Variants in ZNF385C observed in about 807,000 individuals in gnomAD.
ZNF385C encodes the protein zinc finger protein 385C.
Under a neutral mutation model 35.4 loss-of-function variants are expected in ZNF385C, and 28 were observed. The observed-to-expected ratio is 0.79, with a 90% confidence interval of 0.59 to 1.08. The LOEUF is 1.08. ZNF385C is among the 50% of genes least tolerant of loss of function. The pLI is 0.00. For synonymous variants in ZNF385C, 248 were observed against 248.2 expected (o/e 1.00, Z 0.01); for missense variants, 605 against 595.6 (o/e 1.02, Z -0.16).
chr17:42,028,871 C>T lies in ZNF385C; in HGVS notation c.879G>A (p.Gly293=). The change falls in exon 6 of 9, where the codon GGG becomes GGA. Residue 293 remains glycine (G), a synonymous_variant. Coordinates refer to ENST00000692273, the MANE Select transcript of ZNF385C (RefSeq NM_001392013.1). ...AAAAVGSSMS[G]EGRSEKGHLY... The stretch of plus-strand genomic sequence containing the variant: ...GGTGCCCCTTCTCACTCCTGCCTTC[C>T]CCACTCATGCTGCTTCCCACGGCAG... The T allele has an allele frequency of 6.4e-7, 1 of 1,550,632 alleles. No individual in the cohort carries two copies. Among genetic ancestry groups the T allele is most frequent in the Non-Finnish European group, 8.7e-7 (1 of 1,146,998 alleles).
At chr17:42,062,664 C>G in intron 2 of ZNF385C, 143 bp downstream of exon 2, 1 of 405,986 alleles carries the variant, frequency 2.5e-6, no homozygotes, top group Non-Finnish European at 4.3e-6. Context: ...GGGGAGGCTT[C>G]AGACCCTAAG....
intron 2 of ZNF385C, among the ~76,000 whole-genome samples, chr17:42,051,347 C>G (rs1250007234): frequency 6.6e-6 from 1 of 152,044 alleles, no homozygotes; most frequent in African/African-American, 2.4e-5. Flanking sequence ...CTCTGATACA[C>G]AGCCGACCCT....
chr17:42,040,750 C>A, intron 2 of ZNF385C: 1 of 1,232,370 alleles, frequency 8.1e-7, no homozygotes, highest in Non-Finnish European at 1.0e-6. Context: ...CAAGTGGGAA[C>A]TAGGGCCACC....
chr17:42,094,394 T>C (rs1598208384), intron 1 of ZNF385C, among the ~76,000 whole-genome samples: 2 of 150,914 alleles, frequency 1.3e-5, no homozygotes, highest in Admixed American at 1.3e-4. Flanking sequence ...TAGAGAGAGG[T>C]GAAGATACAG....
intron 2 of ZNF385C, among the ~76,000 whole-genome samples, chr17:42,045,347 G>C (rs2053136765): frequency 6.6e-6 from 1 of 152,250 alleles, no homozygotes; most frequent in African/African-American, 2.4e-5. Context: ...CACCGCGCCT[G>C]GCCTTAACTC....
Position 42,062,870 on chromosome 17 carries a change from C to T in ZNF385C, c.187G>A (p.Gly63Arg), listed in dbSNP as rs544587713. Residue 63 changes from glycine to arginine, a missense_variant, in exon 2 of 9, where the codon GGG becomes AGG. Gly to Arg is a moderately radical substitution (Grantham distance 125). Coordinates refer to ENST00000692273, the MANE Select transcript of ZNF385C (RefSeq NM_001392013.1). ...NSAAQAQVHCGGRAHQRRLRQ... is the reference protein window; with the variant it reads ...NSAAQAQVHCRGRAHQRRLRQ... Reference sequence around the variant, plus strand: ...AGCCGCCTCTGGTGGGCCCGCCCCCCACAGTGCACCTGGGCCTGGGCCGCC... The same window carrying T: ...AGCCGCCTCTGGTGGGCCCGCCCCCTACAGTGCACCTGGGCCTGGGCCGCC... The T allele has an allele frequency of 1.2e-5, 8 of 661,648 alleles. No individual in the cohort carries two copies. The highest frequency in any genetic ancestry group is 1.1e-4 in the South Asian group (7 of 61,048). The allele number at this position is 661,648 out of a possible 1,614,324, so 41.0% of individuals were successfully genotyped here.
intron 1 of ZNF385C, among the ~76,000 whole-genome samples, chr17:42,091,587 C>G (rs797038955): frequency 2.7e-4 from 41 of 152,314 alleles, no homozygotes; most frequent in African/African-American, 9.6e-4. Flanking sequence ...TGGGGCTTGG[C>G]TCCCACGTGT....
intron 1 of ZNF385C, among the ~76,000 whole-genome samples, chr17:42,094,058 T>C (rs1438289230): frequency 6.6e-6 from 1 of 152,008 alleles, no homozygotes; most frequent in African/African-American, 2.4e-5. Context: ...ATCTTGGCTT[T>C]CTGCAACCTC....
At chr17:42,070,349 A>G (rs1452350945) in intron 1 of ZNF385C, among the ~76,000 whole-genome samples, 5 of 152,240 alleles carry the variant, frequency 3.3e-5, no homozygotes, top group African/African-American at 1.2e-4. Context: ...ATCTCAAAAA[A>G]GTAAAAAATA....
chr17:42,031,865 ACAGGTCAAAGGGAGGCAGGGCT>A, intron 4 of ZNF385C, 81 bp from the exon 5 acceptor site: 1 of 1,489,356 alleles, frequency 6.7e-7, no homozygotes, highest in South Asian at 1.3e-5. Context: ...CAGCAGGGGG[ACAGGTCAAAGGGAGGCAGGGCT>A]CAGGTCACAC....
intron 3 of ZNF385C, among the ~76,000 whole-genome samples, chr17:42,037,067 A>C (rs1453239252): frequency 1.3e-5 from 2 of 152,172 alleles, no homozygotes; most frequent in African/African-American, 2.4e-5. Flanking sequence ...CAGAAGCTTC[A>C]GGCAGTTACA....
chr17:42,091,876 G>A (rs1348839889), intron 1 of ZNF385C, among the ~76,000 whole-genome samples: 1 of 152,200 alleles, frequency 6.6e-6, no homozygotes, highest in South Asian at 2.1e-4. Context: ...CAGGGACCAG[G>A]AGTCTTGGTG....
chr17:42,087,650 C>T (rs995377803), intron 1 of ZNF385C, among the ~76,000 whole-genome samples: 13 of 152,202 alleles, frequency 8.5e-5, no homozygotes, highest in African/African-American at 1.9e-4. Flanking sequence ...CCTAGCCAGG[C>T]GCAGTGTCTC....
At chr17:42,028,662 A>C in intron 6 of ZNF385C, 121 bp downstream of exon 6, 1 of 1,274,446 alleles carries the variant, frequency 7.8e-7, no homozygotes, top group Middle Eastern at 2.7e-4. Flanking sequence ...ACACACAAGC[A>C]CAAAGCCTCC....
At chr17:42,031,491 G>A (rs2052727260) in intron 5 of ZNF385C, 128 bp downstream of exon 5, 2 of 1,210,982 alleles carry the variant, frequency 1.7e-6, no homozygotes, top group Non-Finnish European at 1.1e-6. Context: ...TGGTACACTT[G>A]TGTGCCTTTG....
At chr17:42,093,568 T>C (rs1555660736) in intron 1 of ZNF385C, among the ~76,000 whole-genome samples, 1 of 149,176 alleles carries the variant, frequency 6.7e-6, no homozygotes, top group African/African-American at 2.5e-5. Flanking sequence ...TTTTTTACTT[T>C]TTATTTTATT....
intron 1 of ZNF385C, among the ~76,000 whole-genome samples, chr17:42,076,767 C>T (rs1462947929): frequency 6.6e-6 from 1 of 152,138 alleles, no homozygotes; most frequent in Non-Finnish European, 1.5e-5. Context: ...TCCTTTATAC[C>T]ATGGTGCTTC....
At chr17:42,068,959 G>T (rs1444441973) in intron 1 of ZNF385C, among the ~76,000 whole-genome samples, 1 of 152,226 alleles carries the variant, frequency 6.6e-6, no homozygotes, top group Non-Finnish European at 1.5e-5. Flanking sequence ...TACACCCTGG[G>T]TAGAAAGAGG....
intron 1 of ZNF385C, among the ~76,000 whole-genome samples, chr17:42,092,493 G>A (rs2053873045): frequency 6.6e-6 from 1 of 152,180 alleles, no homozygotes. Flanking sequence ...CAAAATCAGG[G>A]GATAGGAGGC....
Sources: allele counts gnomAD v4.1 joint callset (sites outside exome capture counted in the v4.1 genomes callset), GRCh38; gene constraint gnomAD v4.1.1; transcripts MANE v1.5; gene names NCBI Gene and HGNC (gene_info 2026-07-23, HGNC 2026-07-21).